The following CNTLN variants were observed in gnomAD, a reference collection of about 807,000 sequenced individuals.
The protein encoded by CNTLN is centlein, centrosomal protein.
In CNTLN, 212 loss-of-function variants were observed where a neutral mutation model predicts 180.0. That is an observed-to-expected ratio of 1.18 (90% CI 1.05 to 1.32). The LOEUF is 1.32. Among genes scored for constraint, CNTLN ranks in the 40% most tolerant of loss-of-function variants. CNTLN has a pLI of 0.00. For synonymous variants in CNTLN, 722 were observed against 563.1 expected, an observed-to-expected ratio of 1.28 and a Z score of -3.99; for missense variants, 2,095 against 1,610.9, an observed-to-expected ratio of 1.30 and a Z score of -5.14.
chr9:17,423,568 A>G (rs539564293), intron 18 of CNTLN, among the ~76,000 whole-genome samples: 1 of 152,076 alleles, frequency 6.6e-6, no homozygotes, highest in African/African-American at 2.4e-5. Flanking sequence ...TCAGTGGGTT[A>G]TGTGCACTTC....
chr9:17,285,712 TG>T (rs1828942655), intron 6 of CNTLN, among the ~76,000 whole-genome samples: 1 of 116,826 alleles, frequency 8.6e-6, no homozygotes, highest in Non-Finnish European at 1.7e-5. Flanking sequence ...TGGTGTGAGA[TG>T]GTATCTCATT....
At chr9:17,440,359 G>T (rs1270465753) in intron 18 of CNTLN, among the ~76,000 whole-genome samples, 4 of 150,378 alleles carry the variant, frequency 2.7e-5, no homozygotes. Context: ...GGATCATGAG[G>T]TCAGGAGATC....
intron 5 of CNTLN, among the ~76,000 whole-genome samples, chr9:17,272,856 T>G (rs551467929): frequency 6.6e-6 from 1 of 152,092 alleles, no homozygotes; most frequent in Non-Finnish European, 1.5e-5. Context: ...GGCACAAAGA[T>G]AGAGTAAGTT....
At chr9:17,383,871 C>G (rs942983045) in intron 13 of CNTLN, among the ~76,000 whole-genome samples, 2 of 152,066 alleles carry the variant, frequency 1.3e-5, no homozygotes, top group African/African-American at 4.8e-5. Flanking sequence ...ATCTCCTGAC[C>G]TCGTGATCTG....
Position 17,466,055 on chromosome 9 carries a change from T to C in CNTLN, c.3606T>C (p.Ala1202=). Residue 1202 remains alanine (A), a synonymous_variant, in exon 22 of 26, where the codon GCT becomes GCC. Coordinates refer to ENST00000380647, the MANE Select transcript of CNTLN (RefSeq NM_017738.4). ...CACTAAAGCAAAGACTTAACGTTGC[T>C]GTAAAAGAAAAGTCACAGTATGAAC... ...IDSLKQRLNV[A]VKEKSQYEQM... is the part of the protein sequence containing the mutation. 4.4e-6 allele frequency: 7 copies of C among 1,606,282 alleles called. 1 individual carries two copies. In the South Asian group the frequency reaches 4.4e-5, roughly 10 times the overall value.
intron 2 of CNTLN, among the ~76,000 whole-genome samples, chr9:17,180,570 T>C (rs945450850): frequency 1.3e-5 from 2 of 151,890 alleles, no homozygotes; most frequent in African/African-American, 4.8e-5. Flanking sequence ...AAACCTAATT[T>C]AGAAAACTGA....
chr9:17,210,234 C>A (rs1229223356), intron 2 of CNTLN, among the ~76,000 whole-genome samples: 1 of 152,156 alleles, frequency 6.6e-6, no homozygotes. Flanking sequence ...CCACGACAGG[C>A]CCCGGTGTGT....
chr9:17,424,780 G>C (rs188387926), intron 18 of CNTLN, among the ~76,000 whole-genome samples: 7 of 152,232 alleles, frequency 4.6e-5, no homozygotes, highest in Non-Finnish European at 1.5e-5. Context: ...AGAAACCTGA[G>C]CTGACTGGCA....
At chr9:17,181,966 A>G (rs1025675408) in intron 2 of CNTLN, among the ~76,000 whole-genome samples, 3 of 152,112 alleles carry the variant, frequency 2.0e-5, no homozygotes, top group African/African-American at 7.2e-5. Flanking sequence ...CACAGTTCCA[A>G]TGGGGAGCAG....
chr9:17,482,174 G>C (rs1832683022), intron 23 of CNTLN, among the ~76,000 whole-genome samples: 1 of 152,084 alleles, frequency 6.6e-6, no homozygotes. Flanking sequence ...GAGAAAACAT[G>C]ATGGACAACT....
chr9:17,320,492 T>TTTTG (rs144263085), intron 8 of CNTLN, among the ~76,000 whole-genome samples: 2,223 of 150,796 alleles, frequency 0.015, 53 homozygotes, highest in African/African-American at 0.05. Flanking sequence ...TTCCAATGCC[T>TTTTG]TTTGTTTGTT....
At chr9:17,366,763 G>C (rs186793255) in intron 13 of CNTLN, 46 bp downstream of exon 13, 85 of 1,048,744 alleles carry the variant, frequency 8.1e-5, no homozygotes, top group African/African-American at 6.7e-4. Flanking sequence ...TTTTAAAATT[G>C]TGTAATTCTT....
intron 10 of CNTLN, among the ~76,000 whole-genome samples, chr9:17,333,542 T>G (rs1032023079): frequency 2.0e-5 from 3 of 152,156 alleles, no homozygotes; most frequent in African/African-American, 7.2e-5. Context: ...TCATATAATA[T>G]AGATTACTCT....
At chr9:17,240,501 A>G (rs1296322536) in intron 5 of CNTLN, among the ~76,000 whole-genome samples, 1 of 152,214 alleles carries the variant, frequency 6.6e-6, no homozygotes, top group Non-Finnish European at 1.5e-5. Context: ...TGTTAAATAG[A>G]GAAAGAGTGG....
chr9:17,172,863 C>T (rs1586999740), intron 2 of CNTLN, among the ~76,000 whole-genome samples: 1 of 152,144 alleles, frequency 6.6e-6, no homozygotes, highest in African/African-American at 2.4e-5. Flanking sequence ...AGGCCTCCAA[C>T]ATGATTAATA....
chr9:17,294,980 A>C (rs1817758127), intron 6 of CNTLN, among the ~76,000 whole-genome samples: 1 of 150,622 alleles, frequency 6.6e-6, no homozygotes, highest in Non-Finnish European at 1.5e-5. Flanking sequence ...CCTGCCGCAC[A>C]GGGAGGCAGC....
chr9:17,333,747 AAC>A (rs869268741), intron 10 of CNTLN, among the ~76,000 whole-genome samples: 7 of 109,870 alleles, frequency 6.4e-5, no homozygotes, highest in Non-Finnish European at 1.4e-4. Context: ...TACCAAAAAT[AAC>A]ATGTCCAAAT....
At chr9:17,465,434 C>A (rs1015314819) in intron 21 of CNTLN, among the ~76,000 whole-genome samples, 3 of 150,270 alleles carry the variant, frequency 2.0e-5, no homozygotes, top group African/African-American at 7.3e-5. Context: ...TCATACATAG[C>A]CTTGGAATCT....
At chr9:17,482,897 A>C (rs1019727639) in intron 23 of CNTLN, among the ~76,000 whole-genome samples, 3 of 152,152 alleles carry the variant, frequency 2.0e-5, no homozygotes, top group Non-Finnish European at 2.9e-5. Flanking sequence ...TGGATAAAAA[A>C]ATTTTAACTG....
Sources: gnomAD v4.1 joint callset for allele counts (sites outside exome capture counted in the v4.1 genomes callset) on GRCh38, gnomAD v4.1.1 for gene constraint, MANE v1.5 for transcripts, NCBI Gene and HGNC (gene_info 2026-07-23, HGNC 2026-07-21) for gene names.